Variants in KAT6B observed in about 807,000 individuals in gnomAD.
The protein encoded by KAT6B is lysine acetyltransferase 6B.
Under a neutral mutation model 187.5 loss-of-function variants are expected in KAT6B, and 10 were observed. That is an observed-to-expected ratio of 0.05 (90% confidence interval 0.03 to 0.09). The LOEUF is 0.09. KAT6B is among the 10% of genes least tolerant of loss of function. The probability of loss-of-function intolerance (pLI) is 1.00; values close to 1 mark genes in which losing one functional copy is unlikely to be tolerated. For missense variants in KAT6B, 1,952 were observed against 2,558.9 expected (o/e 0.76, Z 5.12); for synonymous variants, 861 against 926.8 (o/e 0.93, Z 1.29).
intron 13 of KAT6B, among the ~76,000 whole-genome samples, chr10:74,993,944 A>G (rs1375320660): frequency 2.0e-5 from 3 of 152,200 alleles, no homozygotes; most frequent in African/African-American, 7.2e-5. Flanking sequence ...GGTAACTGCC[A>G]GGCTTCTTCA....
rs138148620 is a variant in KAT6B at position 74,884,716 on chromosome 10, G to A, written c.621+41238G>A. 2.4e-3 allele frequency among the ~76,000 whole-genome samples: 366 copies of A among 152,124 alleles called. 3 individuals are homozygous for A. The highest frequency in any genetic ancestry group is 8.4e-3 in the African/African-American group (350 of 41,486). The stretch of plus-strand genomic sequence containing the variant: ...CCCAGGTAGCTGGGATTACAGGTGC[G>A]GGCCACCATGCCCGGCTGATTTTTT... On this transcript the variant is annotated intron_variant, in intron 3 of 17. Transcript: ENST00000287239.
chr10:74,962,536 C>T (rs1183444427), intron 4 of KAT6B, among the ~76,000 whole-genome samples: 1 of 152,090 alleles, frequency 6.6e-6, no homozygotes, highest in Non-Finnish European at 1.5e-5. Context: ...TCAAAGGGAT[C>T]CCAAAATGTA....
At position 74,970,787 on chromosome 10, in the gene KAT6B, C is replaced by T. The variant is rs1297536977; in HGVS notation, c.928+686C>T. Reference sequence around the variant, plus strand: ...AAAAATGAATTGGAAATTTCCTTCTCTGCCTTCACATACCCTTTGAAGGGA... The same window carrying T: ...AAAAATGAATTGGAAATTTCCTTCTTTGCCTTCACATACCCTTTGAAGGGA... On this transcript the variant is annotated intron_variant, in intron 6 of 17. Transcript: ENST00000287239. Among the ~76,000 whole-genome samples the T allele has an allele frequency of 2.0e-5, 3 of 152,298 alleles. No homozygotes were observed. The East Asian group carries it at 5.8e-4, about 29-fold the overall frequency.
At chr10:74,938,179 C>T (rs1453687836) in intron 3 of KAT6B, among the ~76,000 whole-genome samples, 1 of 152,076 alleles carries the variant, frequency 6.6e-6, no homozygotes, top group Non-Finnish European at 1.5e-5. Context: ...AAATGTGGAC[C>T]GCAGGTCAGC....
At chr10:74,906,570 A>G (rs542017368) in intron 3 of KAT6B, among the ~76,000 whole-genome samples, 2 of 152,338 alleles carry the variant, frequency 1.3e-5, no homozygotes, top group South Asian at 4.1e-4. Context: ...TGAAAAGAAT[A>G]TGGGATAAGA....
chr10:74,916,838 A>AG (rs1847725049), intron 3 of KAT6B, among the ~76,000 whole-genome samples: 2 of 152,226 alleles, frequency 1.3e-5, no homozygotes, highest in African/African-American at 4.8e-5. Context: ...ACGGTGGCTC[A>AG]TGCCTGTCAT....
At chr10:74,930,085 A>G (rs1232371266) in intron 3 of KAT6B, among the ~76,000 whole-genome samples, 1 of 151,880 alleles carries the variant, frequency 6.6e-6, no homozygotes, top group African/African-American at 2.4e-5. Flanking sequence ...ATACCTGGCT[A>G]ATTTTTTTTG....
chr10:74,959,867 AAAG>A lies in KAT6B; in HGVS notation c.622-96_622-94del, dbSNP rs1264483791. On this transcript the variant is annotated intron_variant, in intron 3 of 17. Coordinates refer to ENST00000287239, the MANE Select transcript of KAT6B (RefSeq NM_012330.4). ...ATTTAGCAGTTTTTCTTTGTTAAAGAAAGAAGAAGCTTTAAGTGAAAAATGTAA... is the reference window on the plus strand; with the variant it reads ...ATTTAGCAGTTTTTCTTTGTTAAAGAAAGAAGCTTTAAGTGAAAAATGTAA... 9.1e-5 allele frequency: 72 copies of A among 787,994 alleles called. No homozygotes were observed. The East Asian group carries it at 1.3e-3, about 15-fold the overall frequency. The allele number at this position is 787,994 out of a possible 1,614,324, so 48.8% of individuals were successfully genotyped here. A position where few individuals can be genotyped will look rare whatever the true frequency, so the allele number is the denominator to read the frequency against.
At chr10:74,864,361 C>T (rs779771057) in intron 3 of KAT6B, among the ~76,000 whole-genome samples, 23 of 152,164 alleles carry the variant, frequency 1.5e-4, no homozygotes, top group Non-Finnish European at 5.9e-5. Context: ...CTGCCTCAGC[C>T]TCCTGAATAG....
intron 4 of KAT6B, among the ~76,000 whole-genome samples, chr10:74,966,697 G>A (rs1841497415): frequency 6.6e-6 from 1 of 152,132 alleles, no homozygotes; most frequent in Non-Finnish European, 1.5e-5. Context: ...GAAAGACAAA[G>A]CACCATGAAA....
chr10:74,915,664 A>G (rs539772160), intron 3 of KAT6B, among the ~76,000 whole-genome samples: 140 of 152,338 alleles, frequency 9.2e-4, no homozygotes, highest in Middle Eastern at 3.4e-3. Context: ...CTAGAATGAA[A>G]GAGTGCTTCC....
chr10:74,938,345 C>T (rs1849409493), intron 3 of KAT6B, among the ~76,000 whole-genome samples: 1 of 152,128 alleles, frequency 6.6e-6, no homozygotes, highest in Admixed American at 6.5e-5. Flanking sequence ...CCTCCCCACC[C>T]CCCAGCTATC....
intron 3 of KAT6B, among the ~76,000 whole-genome samples, chr10:74,935,354 T>G (rs12220778): frequency 1.3e-5 from 2 of 152,030 alleles, no homozygotes; most frequent in East Asian, 3.9e-4. Flanking sequence ...AATTATATCT[T>G]TTTTAGAAAA....
intron 3 of KAT6B, among the ~76,000 whole-genome samples, chr10:74,939,051 A>G (rs988771518): frequency 3.5e-5 from 3 of 85,374 alleles, no homozygotes; most frequent in African/African-American, 3.3e-4. Flanking sequence ...TATTTTCTTA[A>G]CACACACACA....
chr10:74,858,965 G>C (rs1040616057), intron 3 of KAT6B, among the ~76,000 whole-genome samples: 2 of 150,426 alleles, frequency 1.3e-5, no homozygotes, highest in Non-Finnish European at 3.0e-5. Flanking sequence ...TGGAACTCCT[G>C]ATCTCAAGTG....
Position 75,022,162 on chromosome 10 carries a change from A to G in KAT6B, c.3303A>G (p.Glu1101=), listed in dbSNP as rs768856595. 2.5e-6 allele frequency: 4 copies of G among 1,613,604 alleles called. No individual in the cohort carries two copies. In the South Asian group the frequency reaches 4.4e-5, roughly 18 times the overall value. ...AGGAAGAAGAGGAAGAAGAAGAAGAAGAAGAAGAAAATATTCAAAGCTCTC... is the reference window on the plus strand; with the variant it reads ...AGGAAGAAGAGGAAGAAGAAGAAGAGGAAGAAGAAAATATTCAAAGCTCTC... The part of the protein sequence containing the change: ...EEEEEEEEEE[E]EEENIQSSPP... The change falls in exon 16 of 18, where the codon GAA becomes GAG. Residue 1101 remains glutamate, a synonymous_variant. Coordinates refer to ENST00000287239, the MANE Select transcript of KAT6B (RefSeq NM_012330.4).
chr10:74,906,183 TGAGGTCAG>T (rs1231870071), intron 3 of KAT6B, among the ~76,000 whole-genome samples: 1 of 152,162 alleles, frequency 6.6e-6, no homozygotes, highest in African/African-American at 2.4e-5. Context: ...GTGGATCACC[TGAGGTCAG>T]GAGTTCGAGA....
At chr10:74,838,998 C>A (rs1164763026) in intron 2 of KAT6B, among the ~76,000 whole-genome samples, 1 of 151,740 alleles carries the variant, frequency 6.6e-6, no homozygotes, top group South Asian at 2.1e-4. Context: ...ACTAAAAATT[C>A]AAAAATTAGC....
At chr10:74,899,677 A>G (rs1034252862) in intron 3 of KAT6B, among the ~76,000 whole-genome samples, 4 of 152,158 alleles carry the variant, frequency 2.6e-5, no homozygotes, top group African/African-American at 9.7e-5. Context: ...TTGTTACTCA[A>G]TAGTCACCCT....
Sources: allele counts gnomAD v4.1 joint callset (sites outside exome capture counted in the v4.1 genomes callset), GRCh38; gene constraint gnomAD v4.1.1; transcripts MANE v1.5; gene names NCBI Gene and HGNC (gene_info 2026-07-23, HGNC 2026-07-21).